PCDH19: variants seen among roughly 807,000 people sequenced by gnomAD.
The protein encoded by PCDH19 is protocadherin-19.
A neutral mutation model predicts 46.2 loss-of-function variants in PCDH19; 6 were observed. The observed-to-expected ratio is 0.13, with a 90% CI of 0.07 to 0.26. The LOEUF (loss-of-function observed/expected upper bound fraction) is 0.26, where lower values mean the gene tolerates loss of function less well. Among genes scored for constraint, PCDH19 ranks in the 10% least tolerant of loss-of-function variants. The pLI, the probability that PCDH19 is intolerant of heterozygous loss-of-function variation, is 1.00. For missense variants in PCDH19, 740 were observed against 972.3 expected, an observed-to-expected ratio of 0.76 and a Z score of 3.18; for synonymous variants, 481 against 415.7, an observed-to-expected ratio of 1.16 and a Z score of -1.91.
chrX:100,403,440 C>G, intron 2 of PCDH19, 84 bp downstream of exon 2: 1 of 1,014,937 alleles, frequency 9.9e-7, no homozygotes, highest in Non-Finnish European at 1.4e-6. Context: ...AGCCCGGTTC[C>G]CTTTTACTCA....
chrX:100,408,069 C>G lies in PCDH19; in HGVS notation c.529G>C (p.Glu177Gln), dbSNP rs1928452736. 1 of 1,209,797 alleles carries G rather than the reference C, an allele frequency of 8.3e-7. No individual in the cohort carries two copies. ...GAGCCGTCGCCGCGCGTCTTGATCT[C>G]CAGGCCGAACAGCTCGTTGGGCGTG... is the stretch of plus-strand genomic sequence containing the variant. Reference protein sequence around the residue: ...ELTPNELFGLEIKTRGDGSRF... With the variant: ...ELTPNELFGLQIKTRGDGSRF... Residue 177 changes from glutamate to glutamine, a missense_variant, in exon 1 of 6, where the codon GAG (glutamate) becomes CAG (glutamine). Physicochemically the swap from Glu to Gln is conservative, Grantham distance 29 (BLOSUM62 2). Transcript: ENST00000373034.
intron 5 of PCDH19, among the ~76,000 whole-genome samples, chrX:100,320,414 TC>T (rs1460445499): frequency 8.9e-6 from 1 of 111,889 alleles, no homozygotes; most frequent in Non-Finnish European, 1.9e-5. Flanking sequence ...TCAGGGCTTT[TC>T]CCCTTTCCTA....
At chrX:100,329,772 C>A (rs1014685051) in intron 5 of PCDH19, among the ~76,000 whole-genome samples, 1 of 110,622 alleles carries the variant, frequency 9.0e-6, no homozygotes, top group Admixed American at 9.6e-5. Context: ...ATTAGCCGGG[C>A]GTGGTGGCAG....
At chrX:100,308,284 G>A (rs967600099) in intron 5 of PCDH19, among the ~76,000 whole-genome samples, 10 of 111,141 alleles carry the variant, frequency 9.0e-5, no homozygotes, top group African/African-American at 3.3e-4. Context: ...ACAAAGTGGG[G>A]GAAAGACACT....
At position 100,296,326 on chromosome X, in the gene PCDH19, C is replaced by T. The variant is rs771849535; in HGVS notation, c.3398G>A (p.Arg1133His). 9 of 1,211,440 alleles carry T rather than the reference C, an allele frequency of 7.4e-6. No individual in the cohort carries two copies. The highest frequency in any genetic ancestry group is 5.9e-5 in the East Asian group (2 of 33,828). Residue 1133 changes from arginine (R) to histidine (H), a missense_variant, in exon 6 of 6, where the codon CGC becomes CAC. Transcript: ENST00000373034. ...CTTCACACCAGGGGACTCTTTGTTG[C>T]GACCTTCCTTCAGAATGGGGCTGAC... ...HEVSPILKEG[R>H]NKESPGVKRL...
At chrX:100,326,721 T>C (rs1602585504) in intron 5 of PCDH19, among the ~76,000 whole-genome samples, 1 of 112,148 alleles carries the variant, frequency 8.9e-6, no homozygotes, top group East Asian at 2.8e-4. Context: ...TTGGCAGACA[T>C]GTTATAATTT....
chrX:100,309,747 G>A (rs779620076), intron 5 of PCDH19, among the ~76,000 whole-genome samples: 1 of 111,503 alleles, frequency 9.0e-6, no homozygotes, highest in Non-Finnish European at 1.9e-5. Flanking sequence ...CCTGAGACTG[G>A]CAAAGGGATG....
rs1207186720 is a variant in PCDH19, at chrX:100,322,850, TATATATATA to T, written c.2848+19044_2848+19052del. 5.5e-4 allele frequency among the ~76,000 whole-genome samples: 32 copies of T among 58,177 alleles called. 1 individual carries two copies. Among genetic ancestry groups the T allele is most frequent in the African/African-American group, 2.6e-3 (32 of 12,286 alleles). The allele number at this position is 58,177 out of a possible 115,157, so 50.5% of individuals were successfully genotyped here. On this transcript the variant is annotated intron_variant, in intron 5 of 5. Coordinates refer to ENST00000373034, the MANE Select transcript of PCDH19 (RefSeq NM_001184880.2). ...ATTCCTAAGTATATATATATATATA[TATATATATA>T]TATATATTTTTGCAGCTATTGTAAA...
intron 5 of PCDH19, among the ~76,000 whole-genome samples, chrX:100,328,154 G>A (rs1349369409): frequency 8.9e-6 from 1 of 111,908 alleles, no homozygotes; most frequent in Non-Finnish European, 1.9e-5. Context: ...CTGTCCCCTA[G>A]GATCATGTAA....
At position 100,341,872 on chromosome X, in the gene PCDH19, T is replaced by C. The variant is rs776252091; in HGVS notation, c.2848+31A>G. ...AACATTTTGGGTTCTTTGGAGTCGA[T>C]TGCTGCAACTTACATCCAACCAGTC... is the stretch of plus-strand genomic sequence containing the variant. On this transcript the variant is annotated intron_variant, in intron 5 of 5. Transcript: ENST00000373034. The C allele has an allele frequency of 1.0e-4, 124 of 1,183,037 alleles. No individual in the cohort carries two copies. The South Asian group carries it at 2.0e-3, about 19-fold the overall frequency.
At chrX:100,296,955 G>C in intron 5 of PCDH19, 80 bp from the exon 6 acceptor site, 1 of 915,087 alleles carries the variant, frequency 1.1e-6, no homozygotes, top group Non-Finnish European at 1.6e-6. Flanking sequence ...TGGTTTCTTA[G>C]ATATCCACAG....
At chrX:100,360,544 T>C (rs1216345752) in intron 3 of PCDH19, among the ~76,000 whole-genome samples, 1 of 112,321 alleles carries the variant, frequency 8.9e-6, no homozygotes, top group East Asian at 2.8e-4. Context: ...ACACACAGCA[T>C]TCACTTATAT....
chrX:100,340,363 T>C (rs1926218498), intron 5 of PCDH19, among the ~76,000 whole-genome samples: 1 of 112,172 alleles, frequency 8.9e-6, no homozygotes, highest in African/African-American at 3.2e-5. Context: ...GAGAATCAAT[T>C]ATGACTATTT....
intron 3 of PCDH19, among the ~76,000 whole-genome samples, chrX:100,365,153 C>T (rs1294854672): frequency 9.0e-6 from 1 of 111,295 alleles, no homozygotes; most frequent in Non-Finnish European, 1.9e-5. Context: ...AAAGCCTTGA[C>T]CTATGCTCCC....
intron 5 of PCDH19, among the ~76,000 whole-genome samples, chrX:100,325,063 A>C (rs763321079): frequency 2.7e-5 from 3 of 110,275 alleles, no homozygotes; most frequent in Non-Finnish European, 5.7e-5. Context: ...AAAAACAAAA[A>C]CCAAAAACCG....
In PCDH19 at chrX:100,342,037, T is replaced by C. The variant is rs1408070082; in HGVS notation, c.2714A>G (p.Lys905Arg). Residue 905 changes from lysine to arginine, a missense_variant, in exon 5 of 6, where the codon AAG (lysine) becomes AGG (arginine). Lys to Arg is a conservative substitution (Grantham distance 26). Transcript: ENST00000373034. ...TFKDLEGNSLKDSGHEESDQT... is the reference protein window; with the variant it reads ...TFKDLEGNSLRDSGHEESDQT... ...GTCACTCTCCTCATGTCCACTATCCTTCAGGCTGTTGCCCTCTAAGTCCTT... is the reference window on the plus strand; with the variant it reads ...GTCACTCTCCTCATGTCCACTATCCCTCAGGCTGTTGCCCTCTAAGTCCTT... The C allele has an allele frequency of 3.3e-6, 4 of 1,208,789 alleles. No individual in the cohort carries two copies. The highest frequency in any genetic ancestry group is 1.8e-5 in the African/African-American group (1 of 57,109).
Position 100,295,908 on chromosome X carries a change from C to A in PCDH19, c.*369G>T. On this transcript the variant is annotated 3_prime_UTR_variant, in exon 6 of 6. Coordinates refer to ENST00000373034, the MANE Select transcript of PCDH19 (RefSeq NM_001184880.2). ...AGGTGTCCAGAGCTTTTTTTTTTCACTTTTTGCTTTTTTAAATGTAATCCT... is the reference window on the plus strand; with the variant it reads ...AGGTGTCCAGAGCTTTTTTTTTTCAATTTTTGCTTTTTTAAATGTAATCCT... 3 of 154,807 alleles carry A rather than the reference C, an allele frequency of 1.9e-5. No homozygotes were observed. Among genetic ancestry groups the A allele is most frequent in the Non-Finnish European group, 3.7e-5 (3 of 80,607 alleles). The allele number at this position is 154,807 out of a possible 1,213,427, so 12.8% of individuals were successfully genotyped here. A position where few individuals can be genotyped will look rare whatever the true frequency, so the allele number is the denominator to read the frequency against.
intron 5 of PCDH19, among the ~76,000 whole-genome samples, chrX:100,298,635 T>C (rs1033602968): frequency 9.9e-5 from 11 of 111,620 alleles, no homozygotes; most frequent in Non-Finnish European, 1.7e-4. Context: ...TCAGGCTGCA[T>C]GGCCACTTCT....
At chrX:100,391,070 A>C (rs1051957354) in intron 3 of PCDH19, among the ~76,000 whole-genome samples, 1 of 112,116 alleles carries the variant, frequency 8.9e-6, no homozygotes, top group African/African-American at 3.2e-5. Context: ...AGAATGGAAT[A>C]AAAAGCTGCT....
Sources: allele counts gnomAD v4.1 joint callset (sites outside exome capture counted in the v4.1 genomes callset), GRCh38; gene constraint gnomAD v4.1.1; transcripts MANE v1.5; gene names NCBI Gene and HGNC (gene_info 2026-07-23, HGNC 2026-07-21).